The following MED13L variants were observed in gnomAD, a reference collection of about 807,000 sequenced individuals.
MED13L encodes mediator of RNA polymerase II transcription subunit 13-like.
MED13L carries 7 observed loss-of-function variants against 220.9 expected under a neutral mutation model. The observed-to-expected ratio is 0.03, with a 90% CI of 0.02 to 0.06. The LOEUF (loss-of-function observed/expected upper bound fraction) is 0.06, where lower values mean the gene tolerates loss of function less well. Among genes scored for constraint, MED13L ranks in the 10% least tolerant of loss-of-function variants. The pLI is 1.00. For missense variants in MED13L, 1,965 were observed against 2,760.5 expected, an observed-to-expected ratio of 0.71 and a Z score of 6.46; for synonymous variants, 1,011 against 1,015.2, an observed-to-expected ratio of 1.00 and a Z score of 0.08.
At chr12:115,967,196 A>AAAC (rs1876238549) in intron 28 of MED13L, among the ~76,000 whole-genome samples, 1 of 150,344 alleles carries the variant, frequency 6.7e-6, no homozygotes, top group East Asian at 1.9e-4. Context: ...AAAAAAAAAA[A>AAAC]CCTTCTGTTT....
chr12:116,065,881 T>C (rs775742480), intron 4 of MED13L, among the ~76,000 whole-genome samples: 2 of 152,216 alleles, frequency 1.3e-5, no homozygotes, highest in African/African-American at 2.4e-5. Flanking sequence ...ACAATGACAG[T>C]TGCTCTACTG....
At chr12:115,996,877 T>C (rs1238103656) in intron 15 of MED13L, 133 bp downstream of exon 15, 1 of 1,096,346 alleles carries the variant, frequency 9.1e-7, no homozygotes, top group Non-Finnish European at 1.4e-6. Context: ...CTGGTGTGCC[T>C]CATGTTCTAA....
chr12:116,110,588 G>T (rs892527588), intron 3 of MED13L, among the ~76,000 whole-genome samples: 2 of 152,080 alleles, frequency 1.3e-5, no homozygotes, highest in Non-Finnish European at 2.9e-5. Flanking sequence ...CAATCTCATT[G>T]TATCTGGCCA....
chr12:116,088,579 T>A (rs559311364), intron 4 of MED13L, among the ~76,000 whole-genome samples: 2 of 151,964 alleles, frequency 1.3e-5, no homozygotes, highest in East Asian at 3.9e-4. Context: ...CTCACAATTA[T>A]CCAGCCCAAG....
chr12:116,107,265 T>C (rs1216933793), intron 3 of MED13L, among the ~76,000 whole-genome samples: 3 of 152,236 alleles, frequency 2.0e-5, no homozygotes, highest in Non-Finnish European at 4.4e-5. Context: ...TGCTCTTGAG[T>C]AAGTAGCAGT....
intron 28 of MED13L, among the ~76,000 whole-genome samples, chr12:115,967,798 T>C (rs955678057): frequency 1.6e-4 from 25 of 152,160 alleles, no homozygotes; most frequent in African/African-American, 1.9e-4. Context: ...TTTAAAAAAA[T>C]AGACAATGTA....
chr12:116,261,761 T>C (rs1439645993), intron 1 of MED13L, among the ~76,000 whole-genome samples: 1 of 152,214 alleles, frequency 6.6e-6, no homozygotes, highest in African/African-American at 2.4e-5. Flanking sequence ...CAAGAACATC[T>C]GTTTATCATC....
chr12:116,276,335 TGTGTGTGTGTGTGTGTGC>T, intron 1 of MED13L: 8 of 561,948 alleles, frequency 1.4e-5, no homozygotes, highest in African/African-American at 9.6e-5. Flanking sequence ...TGTGTGTGTG[TGTGTGTGTGTGTGTGTGC>T]GGATTCGTTG....
chr12:116,240,898 A>G (rs193123744), intron 1 of MED13L, among the ~76,000 whole-genome samples: 97 of 152,304 alleles, frequency 6.4e-4, no homozygotes, highest in Middle Eastern at 3.4e-3. Context: ...CAAAAATAAA[A>G]AGAAGTTGAA....
chr12:116,060,308 T>A (rs1424422268), intron 4 of MED13L, among the ~76,000 whole-genome samples: 1 of 151,948 alleles, frequency 6.6e-6, no homozygotes, highest in Non-Finnish European at 1.5e-5. Context: ...CCGGGCGTGG[T>A]AACTCACGCC....
At chr12:116,178,493 T>G (rs1355859377) in intron 2 of MED13L, among the ~76,000 whole-genome samples, 1 of 152,210 alleles carries the variant, frequency 6.6e-6, no homozygotes, top group African/African-American at 2.4e-5. Context: ...TATGAAAAGC[T>G]ATGCATAATC....
chr12:116,261,446 G>A (rs1022855793), intron 1 of MED13L, among the ~76,000 whole-genome samples: 5 of 148,506 alleles, frequency 3.4e-5, no homozygotes, highest in Non-Finnish European at 4.4e-5. Flanking sequence ...GCAGTGAGCC[G>A]AGATTGTGCC....
At chr12:116,117,667 CAAAAA>C (rs567626153) in intron 2 of MED13L, among the ~76,000 whole-genome samples, 1 of 141,828 alleles carries the variant, frequency 7.1e-6, no homozygotes, top group Non-Finnish European at 1.5e-5. Context: ...GTATTAAAAA[CAAAAA>C]AAAAAAGTTT....
intron 2 of MED13L, among the ~76,000 whole-genome samples, chr12:116,186,621 T>C (rs1880921189): frequency 6.6e-6 from 1 of 152,192 alleles, no homozygotes; most frequent in African/African-American, 2.4e-5. Flanking sequence ...AAGTAACCCA[T>C]ACAACATCTT....
intron 4 of MED13L, among the ~76,000 whole-genome samples, chr12:116,071,561 G>A (rs1285776501): frequency 2.0e-5 from 3 of 152,052 alleles, no homozygotes; most frequent in African/African-American, 7.2e-5. Context: ...CGAGTAGCTG[G>A]GACTATAGGC....
intron 2 of MED13L, among the ~76,000 whole-genome samples, chr12:116,196,832 T>G (rs1240803779): frequency 6.6e-6 from 1 of 152,224 alleles, no homozygotes; most frequent in African/African-American, 2.4e-5. Context: ...TAAAGTTTTG[T>G]GTATTTTAGG....
intron 16 of MED13L, among the ~76,000 whole-genome samples, chr12:115,996,250 C>G (rs1489582766): frequency 6.6e-6 from 1 of 152,050 alleles, no homozygotes; most frequent in East Asian, 1.9e-4. Context: ...GCCACCAAGC[C>G]CAGCTAATTT....
chr12:116,082,932 G>C (rs1871329264), intron 4 of MED13L, among the ~76,000 whole-genome samples: 1 of 152,178 alleles, frequency 6.6e-6, no homozygotes, highest in African/African-American at 2.4e-5. Flanking sequence ...TGATTTGAAA[G>C]AGGAATAATA....
intron 2 of MED13L, among the ~76,000 whole-genome samples, chr12:116,207,599 G>T (rs988945807): frequency 6.6e-5 from 10 of 152,128 alleles, no homozygotes; most frequent in African/African-American, 2.4e-4. Context: ...GTTATTCTAA[G>T]AGTGCTGTAT....
Sources: gnomAD v4.1 joint callset for allele counts (sites outside exome capture counted in the v4.1 genomes callset) on GRCh38, gnomAD v4.1.1 for gene constraint, MANE v1.5 for transcripts, NCBI Gene and HGNC (gene_info 2026-07-23, HGNC 2026-07-21) for gene names.